Variants in GRIN3A observed in about 807,000 individuals in gnomAD.
GRIN3A encodes the protein glutamate receptor ionotropic, NMDA 3A.
GRIN3A carries 47 observed loss-of-function variants against 92.4 expected under a neutral mutation model. The observed-to-expected ratio is 0.51, with a 90% CI of 0.40 to 0.65. GRIN3A has a LOEUF of 0.65. Among genes scored for constraint, GRIN3A ranks in the 30% least tolerant of loss-of-function variants. The pLI is 0.00. For synonymous variants in GRIN3A, 527 were observed against 540.6 expected (o/e 0.97, Z 0.35); for missense variants, 1,324 against 1,393.1 (o/e 0.95, Z 0.79).
chr9:101,738,153 T>G lies in GRIN3A; in HGVS notation c.-174A>C, dbSNP rs1830243723. The G allele has an allele frequency of 1.0e-5, 7 of 675,798 alleles. No individual in the cohort carries two copies. The highest frequency in any genetic ancestry group is 5.5e-5 in the East Asian group (2 of 36,638). 41.9% of individuals were successfully genotyped at this position (675,798 alleles called of 1,614,324 possible). On this transcript the variant is annotated 5_prime_UTR_variant, in exon 1 of 9. Transcript: ENST00000361820. The stretch of plus-strand genomic sequence containing the variant: ...CATGCAAGTTGGAGCGTAGCGCGCC[T>G]CCGGCAGTCTCAGATCCCGCTCCCA...
At chr9:101,617,763 C>T (rs992478120) in intron 5 of GRIN3A, among the ~76,000 whole-genome samples, 6 of 149,210 alleles carry the variant, frequency 4.0e-5, no homozygotes, top group African/African-American at 1.5e-4. Context: ...CGTCATCTAG[C>T]ATTAGGTATA....
rs1164189272 is a variant in GRIN3A, at chr9:101,671,019, T to G, written c.1393A>C (p.Ile465Leu). 1 of 1,613,932 alleles carries G rather than the reference T, an allele frequency of 6.2e-7. No homozygotes were observed. Among genetic ancestry groups the G allele is most frequent in the East Asian group, 2.2e-5 (1 of 44,848 alleles). ...TIVSSENNFF[I>L]WNLQHDPMGK... ...ATGGGGTCATGTTGAAGATTCCAGATGAAAAAGTTGTTTTCTGAGCTGACG... is the reference window on the plus strand; with the variant it reads ...ATGGGGTCATGTTGAAGATTCCAGAGGAAAAAGTTGTTTTCTGAGCTGACG... The change falls in exon 3 of 9, where the codon ATC becomes CTC. Residue 465 changes from isoleucine (I) to leucine (L), a missense_variant. By Grantham distance (5) the Ile-to-Leu change is conservative (BLOSUM62 2). Coordinates refer to ENST00000361820, the MANE Select transcript of GRIN3A (RefSeq NM_133445.3).
intron 6 of GRIN3A, among the ~76,000 whole-genome samples, chr9:101,595,712 G>A (rs967255969): frequency 2.0e-5 from 3 of 152,144 alleles, no homozygotes; most frequent in Non-Finnish European, 4.4e-5. Context: ...GCTGAATTCA[G>A]GGCGTTTTTC....
chr9:101,724,284 G>A (rs887286817), intron 1 of GRIN3A, among the ~76,000 whole-genome samples: 21 of 152,318 alleles, frequency 1.4e-4, no homozygotes, highest in South Asian at 2.1e-4. Flanking sequence ...AAGGCCCGGC[G>A]AGAAATCAAG....
rs1372305138 is a variant in GRIN3A at position 101,579,289 on chromosome 9, A to C, written c.2838T>G (p.Ile946Met). The C allele has an allele frequency of 1.1e-5, 17 of 1,614,058 alleles. No homozygotes were observed. Among genetic ancestry groups the C allele is most frequent in the Non-Finnish European group, 1.4e-5 (17 of 1,179,934 alleles). The change falls in exon 7 of 9, where the codon ATT (isoleucine) becomes ATG (methionine). Residue 946 changes from isoleucine (I) to methionine (M), a missense_variant. Ile to Met is a conservative substitution (Grantham distance 10, BLOSUM62 1). Coordinates refer to ENST00000361820, the MANE Select transcript of GRIN3A (RefSeq NM_133445.3). ...VLLCIGFGLS[I>M]LTTIGEHIVY... ...CTATGTGCTCACCAATGGTGGTCAA[A>C]ATGGACAGACCAAATCCAATGCACA...
chr9:101,700,479 A>T (rs535024415), intron 1 of GRIN3A, among the ~76,000 whole-genome samples: 1 of 152,196 alleles, frequency 6.6e-6, no homozygotes, highest in Non-Finnish European at 1.5e-5. Context: ...GCTCAAGTGT[A>T]TACATGTCTG....
At chr9:101,726,207 C>G (rs1337426102) in intron 1 of GRIN3A, among the ~76,000 whole-genome samples, 1 of 152,098 alleles carries the variant, frequency 6.6e-6, no homozygotes, top group Non-Finnish European at 1.5e-5. Flanking sequence ...ATAATTTGAA[C>G]TAAGAGATAT....
chr9:101,686,120 A>T (rs2118976496), intron 2 of GRIN3A, among the ~76,000 whole-genome samples: 1 of 152,264 alleles, frequency 6.6e-6, no homozygotes, highest in East Asian at 1.9e-4. Flanking sequence ...CTTTGTATAG[A>T]TTTAGAGAAA....
intron 6 of GRIN3A, among the ~76,000 whole-genome samples, chr9:101,612,413 T>A (rs1185207139): frequency 6.6e-6 from 1 of 151,980 alleles, no homozygotes; most frequent in Admixed American, 6.6e-5. Flanking sequence ...GGAGGGAAGA[T>A]CAAGGTTCAG....
chr9:101,628,280 G>T lies in GRIN3A; in HGVS notation c.2474C>A (p.Thr825Asn). 1 of 1,613,970 alleles carries T rather than the reference G, an allele frequency of 6.2e-7. No homozygotes were observed. Among genetic ancestry groups the T allele is most frequent in the Non-Finnish European group, 8.5e-7 (1 of 1,179,906 alleles). The change falls in exon 4 of 9, where the codon ACC (threonine) becomes AAC (asparagine). Residue 825 changes from threonine (T) to asparagine (N), a missense_variant. Thr to Asn is a moderately conservative substitution (Grantham distance 65). Coordinates refer to ENST00000361820, the MANE Select transcript of GRIN3A (RefSeq NM_133445.3). ...EYMRRYNVPATPDGVEYLKND... is the reference protein window; with the variant it reads ...EYMRRYNVPANPDGVEYLKND... ...CTTCAGATACTCCACTCCATCAGGGGTGGCTGGAACATTGTACCTTCTCAT... is the reference window on the plus strand; with the variant it reads ...CTTCAGATACTCCACTCCATCAGGGTTGGCTGGAACATTGTACCTTCTCAT...
chr9:101,574,107 GTCCGATGCTTAAAAAAA>G (rs1827796803), intron 8 of GRIN3A, among the ~76,000 whole-genome samples: 2 of 152,008 alleles, frequency 1.3e-5, no homozygotes, highest in South Asian at 4.1e-4. Flanking sequence ...GACAGGTCAG[GTCCGATGCTTAAAAAAA>G]TCCCGAGAAA....
chr9:101,734,623 A>C (rs191776294), intron 1 of GRIN3A, among the ~76,000 whole-genome samples: 1 of 151,912 alleles, frequency 6.6e-6, no homozygotes, highest in Non-Finnish European at 1.5e-5. Context: ...GGGTTTGTCC[A>C]TCTCAGTGGC....
chr9:101,710,312 G>T (rs1829862282), intron 1 of GRIN3A, among the ~76,000 whole-genome samples: 1 of 152,132 alleles, frequency 6.6e-6, no homozygotes, highest in Admixed American at 6.5e-5. Flanking sequence ...TTCTATTTTG[G>T]AGAATTCTTA....
chr9:101,661,090 G>A (rs574512111), intron 3 of GRIN3A, among the ~76,000 whole-genome samples: 1 of 151,964 alleles, frequency 6.6e-6, no homozygotes, highest in African/African-American at 2.4e-5. Context: ...GAAAGCCTCT[G>A]TGGACAGTAT....
intron 6 of GRIN3A, chr9:101,594,459 C>A: frequency 6.2e-7 from 1 of 1,614,012 alleles, no homozygotes; most frequent in South Asian, 1.1e-5. Context: ...CTGACCACAG[C>A]ACTGAATTCC....
intron 6 of GRIN3A, among the ~76,000 whole-genome samples, chr9:101,588,281 G>A (rs1236230670): frequency 1.3e-5 from 2 of 152,182 alleles, no homozygotes; most frequent in African/African-American, 4.8e-5. Flanking sequence ...AGAAACAGAA[G>A]AGGAGATAAT....
chr9:101,738,151 C>T lies in GRIN3A; in HGVS notation c.-172G>A, dbSNP rs1332893652. ...GCCATGCAAGTTGGAGCGTAGCGCG[C>T]CTCCGGCAGTCTCAGATCCCGCTCC... On this transcript the variant is annotated 5_prime_UTR_variant, in exon 1 of 9. Coordinates refer to ENST00000361820, the MANE Select transcript of GRIN3A (RefSeq NM_133445.3). The T allele has an allele frequency of 2.9e-6, 2 of 682,428 alleles. No homozygotes were observed. Among genetic ancestry groups the T allele is most frequent in the Admixed American group, 4.2e-5 (2 of 48,074 alleles). The allele number at this position is 682,428 out of a possible 1,614,324, so 42.3% of individuals were successfully genotyped here. A position where few individuals can be genotyped will look rare whatever the true frequency, so the allele number is the denominator to read the frequency against.
chr9:101,588,654 A>T (rs950204801), intron 6 of GRIN3A, among the ~76,000 whole-genome samples: 13 of 152,320 alleles, frequency 8.5e-5, no homozygotes, highest in African/African-American at 2.6e-4. Flanking sequence ...TAAAACAATT[A>T]CTTTCAATGC....
chr9:101,701,206 C>A (rs963469059), intron 1 of GRIN3A, among the ~76,000 whole-genome samples: 1 of 152,142 alleles, frequency 6.6e-6, no homozygotes, highest in African/African-American at 2.4e-5. Context: ...TGCCTGGTAA[C>A]TTTCTTTCTT....
Sources: allele counts gnomAD v4.1 joint callset (sites outside exome capture counted in the v4.1 genomes callset), GRCh38; gene constraint gnomAD v4.1.1; transcripts MANE v1.5; gene names NCBI Gene and HGNC (gene_info 2026-07-23, HGNC 2026-07-21).